The following PTPRM variants were observed in gnomAD, a reference collection of about 807,000 sequenced individuals.
PTPRM encodes protein tyrosine phosphatase receptor type M.
In PTPRM, 47 loss-of-function variants were observed where a neutral mutation model predicts 186.7. The ratio of observed to expected loss-of-function variants is 0.25; its 90% CI spans 0.20 to 0.32. The LOEUF is 0.32. PTPRM is among the 10% of genes least tolerant of loss of function. PTPRM has a pLI of 1.00. For synonymous variants in PTPRM, 668 were observed against 674.9 expected (o/e 0.99, Z 0.16); for missense variants, 1,494 against 1,865.0 (o/e 0.80, Z 3.66).
chr18:8,310,054 A>G (rs914563277), intron 20 of PTPRM, among the ~76,000 whole-genome samples: 26 of 152,224 alleles, frequency 1.7e-4, no homozygotes, highest in African/African-American at 5.8e-4. Flanking sequence ...GCTTTTCTCC[A>G]TGGTTCACAT....
Position 8,314,932 on chromosome 18 carries a change from A to T in PTPRM, c.2919+75A>T, listed in dbSNP as rs142364955. 8.0e-4 allele frequency: 715 copies of T among 894,524 alleles called. 1 individual carries two copies. Among genetic ancestry groups the T allele is most frequent in the Middle Eastern group, 1.6e-3 (6 of 3,768 alleles). The allele number at this position is 894,524 out of a possible 1,614,324, so 55.4% of individuals were successfully genotyped here. A position where few individuals can be genotyped will look rare whatever the true frequency, so the allele number is the denominator to read the frequency against. ...GGTGCTATGTATGATATTTTGATAC[A>T]TGTATACAATGCATAATGATTAAAT... On this transcript the variant is annotated intron_variant, in intron 21 of 32. Coordinates refer to ENST00000580170, the MANE Select transcript of PTPRM (RefSeq NM_001105244.2).
At chr18:7,711,221 C>A (rs578021732) in intron 1 of PTPRM, among the ~76,000 whole-genome samples, 34 of 152,270 alleles carry the variant, frequency 2.2e-4, no homozygotes, top group African/African-American at 7.7e-4. Context: ...ACCCGGGAAG[C>A]TCAAGGGGTC....
At chr18:7,644,794 C>A (rs1361703460) in intron 1 of PTPRM, among the ~76,000 whole-genome samples, 1 of 152,114 alleles carries the variant, frequency 6.6e-6, no homozygotes, top group Non-Finnish European at 1.5e-5. Flanking sequence ...CTAATTAGCA[C>A]ACCTATGCTC....
intron 1 of PTPRM, among the ~76,000 whole-genome samples, chr18:7,670,769 A>C (rs2039200887): frequency 6.6e-6 from 1 of 152,194 alleles, no homozygotes; most frequent in Admixed American, 6.5e-5. Flanking sequence ...GACTTTCTCC[A>C]ATGAATTTTG....
At chr18:8,129,882 A>C (rs1208316046) in intron 13 of PTPRM, among the ~76,000 whole-genome samples, 1 of 152,202 alleles carries the variant, frequency 6.6e-6, no homozygotes, top group Non-Finnish European at 1.5e-5. Flanking sequence ...CTTGTCAAAA[A>C]ATCAAGGGAG....
At chr18:7,792,598 A>G (rs1313631843) in intron 2 of PTPRM, among the ~76,000 whole-genome samples, 1 of 152,230 alleles carries the variant, frequency 6.6e-6, no homozygotes. Context: ...TAAAAGGTCA[A>G]TCACAAATTT....
intron 2 of PTPRM, among the ~76,000 whole-genome samples, chr18:7,781,991 C>G (rs536502609): frequency 1.3e-5 from 2 of 152,208 alleles, no homozygotes; most frequent in Admixed American, 1.3e-4. Flanking sequence ...CTTGGTGAGG[C>G]TTAGAATGAG....
chr18:8,036,067 C>G (rs9807802), intron 7 of PTPRM, among the ~76,000 whole-genome samples: 2 of 152,082 alleles, frequency 1.3e-5, no homozygotes, highest in Middle Eastern at 6.8e-3. Context: ...TAGTTTCAGG[C>G]GGAGTAGCCA....
intron 2 of PTPRM, among the ~76,000 whole-genome samples, chr18:7,820,512 A>C (rs1427929322): frequency 6.6e-6 from 1 of 152,214 alleles, no homozygotes; most frequent in Non-Finnish European, 1.5e-5. Context: ...GAGAACACTT[A>C]GAATCTGTTG....
At chr18:7,766,576 C>T (rs925886391) in intron 1 of PTPRM, among the ~76,000 whole-genome samples, 1 of 152,156 alleles carries the variant, frequency 6.6e-6, no homozygotes, top group African/African-American at 2.4e-5. Context: ...GAATGTTCTG[C>T]TGGAGGCACT....
chr18:7,817,802 CCAAG>C (rs1022165303), intron 2 of PTPRM, among the ~76,000 whole-genome samples: 1 of 152,160 alleles, frequency 6.6e-6, no homozygotes, highest in African/African-American at 2.4e-5. Context: ...ATGTGCAGAT[CCAAG>C]GCAGCCTGTC....
intron 1 of PTPRM, among the ~76,000 whole-genome samples, chr18:7,730,494 T>G (rs1346151504): frequency 6.6e-6 from 1 of 152,166 alleles, no homozygotes; most frequent in Non-Finnish European, 1.5e-5. Context: ...CTGAATACAC[T>G]TAGCACTCAA....
intron 2 of PTPRM, among the ~76,000 whole-genome samples, chr18:7,864,342 A>C (rs1352772060): frequency 6.6e-6 from 1 of 152,202 alleles, no homozygotes; most frequent in Non-Finnish European, 1.5e-5. Flanking sequence ...CTTATGTTTA[A>C]GTTTTTAATC....
chr18:7,574,829 A>G (rs2036646465), intron 1 of PTPRM, among the ~76,000 whole-genome samples: 1 of 152,220 alleles, frequency 6.6e-6, no homozygotes, highest in East Asian at 1.9e-4. Flanking sequence ...CAGGAGACGG[A>G]GACCATCCTG....
intron 1 of PTPRM, among the ~76,000 whole-genome samples, chr18:7,641,664 G>A (rs780174074): frequency 6.6e-6 from 1 of 152,196 alleles, no homozygotes; most frequent in Non-Finnish European, 1.5e-5. Flanking sequence ...ATATGATACT[G>A]AGAAAATAGT....
intron 1 of PTPRM, among the ~76,000 whole-genome samples, chr18:7,677,279 G>C (rs1464136758): frequency 6.6e-6 from 1 of 152,210 alleles, no homozygotes; most frequent in Non-Finnish European, 1.5e-5. Flanking sequence ...ACATTAACAA[G>C]TGCATTGTGT....
chr18:7,985,237 A>T (rs2082862728), intron 7 of PTPRM, among the ~76,000 whole-genome samples: 1 of 111,424 alleles, frequency 9.0e-6, no homozygotes, highest in African/African-American at 3.8e-5. Context: ...ATATATACAT[A>T]TAATTGTATA....
intron 11 of PTPRM, among the ~76,000 whole-genome samples, chr18:8,109,162 A>G (rs2091651060): frequency 6.6e-6 from 1 of 152,228 alleles, no homozygotes; most frequent in South Asian, 2.1e-4. Context: ...ATCAGCTATA[A>G]AGTTCTGTCA....
intron 2 of PTPRM, among the ~76,000 whole-genome samples, chr18:7,854,158 A>G (rs2046989003): frequency 6.6e-6 from 1 of 152,188 alleles, no homozygotes; most frequent in African/African-American, 2.4e-5. Context: ...GAAATGATGG[A>G]CATAGTTGCT....
Sources: gnomAD v4.1 joint callset for allele counts (sites outside exome capture counted in the v4.1 genomes callset) on GRCh38, gnomAD v4.1.1 for gene constraint, MANE v1.5 for transcripts, NCBI Gene and HGNC (gene_info 2026-07-23, HGNC 2026-07-21) for gene names.